The following ACOT12 variants were observed in gnomAD, a reference collection of about 807,000 sequenced individuals.
The protein encoded by ACOT12 is acetyl-coenzyme A thioesterase.
A neutral mutation model predicts 67.7 loss-of-function variants in ACOT12; 51 were observed. That is an observed-to-expected ratio of 0.75 (90% CI 0.60 to 0.95). ACOT12 has a LOEUF of 0.95. Ranked by LOEUF, ACOT12 falls within the 40% of genes least tolerant of loss-of-function variation. The pLI is 0.00. For synonymous variants in ACOT12, 251 were observed against 244.6 expected (o/e 1.03, Z -0.24); for missense variants, 734 against 708.1 (o/e 1.04, Z -0.41).
chr5:81,371,805 C>G lies in ACOT12; in HGVS notation c.203G>C (p.Gly68Ala). 6.2e-7 allele frequency: 1 copy of G among 1,613,900 alleles called. No homozygotes were observed. Among genetic ancestry groups the G allele is most frequent in the Non-Finnish European group, 8.5e-7 (1 of 1,179,936 alleles). ...TTTTGCTTTGATGGTTATAACTTGT[C>G]CAACTCTAGGGAAAAACAAACAAAA... ...DIQFEETARV[G>A]QVITIKAKVT... Residue 68 changes from glycine (G) to alanine (A), a missense_variant, in exon 3 of 15, where the codon GGA becomes GCA. Transcript: ENST00000307624.
In ACOT12 at chr5:81,345,128, C is replaced by G. The variant is rs116325322; in HGVS notation, c.774-87G>C. 4 of 936,938 alleles carry G rather than the reference C, an allele frequency of 4.3e-6. No homozygotes were observed. In the South Asian group the frequency reaches 4.8e-5, roughly 11 times the overall value. The allele number at this position is 936,938 out of a possible 1,614,324, so 58.0% of individuals were successfully genotyped here. Reference sequence around the variant, plus strand: ...ACACCGCTGCCACCTCCTCGCCCACCGCTGCCACCTCCTCTAAGCAACAGG... The same window carrying G: ...ACACCGCTGCCACCTCCTCGCCCACGGCTGCCACCTCCTCTAAGCAACAGG... On this transcript the variant is annotated intron_variant, in intron 7 of 14. Transcript: ENST00000307624.
chr5:81,339,896 A>AT lies in ACOT12; in HGVS notation c.1128+2775dup, dbSNP rs35399330. Among the ~76,000 whole-genome samples, 78 of 151,604 alleles carry AT rather than the reference A, an allele frequency of 5.1e-4. 1 individual carries two copies. The South Asian group carries it at 0.013, about 26-fold the overall frequency. ...ATATTGAAAACCTGGAAAAAACATGATTTTTTTTTATAGAGATGAAGTCAT... is the reference window on the plus strand; with the variant it reads ...ATATTGAAAACCTGGAAAAAACATGATTTTTTTTTTATAGAGATGAAGTCAT... On this transcript the variant is annotated intron_variant, in intron 11 of 14. Transcript: ENST00000307624.
chr5:81,389,753 C>T (rs1760815998), intron 1 of ACOT12, among the ~76,000 whole-genome samples: 1 of 152,054 alleles, frequency 6.6e-6, no homozygotes, highest in South Asian at 2.1e-4. Flanking sequence ...TCTTGAACTT[C>T]TGACCTCAGG....
intron 5 of ACOT12, among the ~76,000 whole-genome samples, chr5:81,356,655 C>T (rs1008442056): frequency 6.6e-6 from 1 of 152,096 alleles, no homozygotes; most frequent in Non-Finnish European, 1.5e-5. Context: ...TCCATGATCT[C>T]AGTTCATGGC....
At chr5:81,360,789 G>A (rs1759881046) in intron 4 of ACOT12, among the ~76,000 whole-genome samples, 1 of 152,112 alleles carries the variant, frequency 6.6e-6, no homozygotes. Context: ...CCCTGGGTGT[G>A]GTGGCTCACA....
chr5:81,373,011 A>G (rs1760300774), intron 2 of ACOT12, among the ~76,000 whole-genome samples: 1 of 152,256 alleles, frequency 6.6e-6, no homozygotes, highest in Admixed American at 6.5e-5. Context: ...GGCCATACTA[A>G]TAACAATGAC....
chr5:81,352,643 A>C (rs1759588175), intron 5 of ACOT12, among the ~76,000 whole-genome samples: 1 of 152,188 alleles, frequency 6.6e-6, no homozygotes, highest in African/African-American at 2.4e-5. Flanking sequence ...TAATGGGTAC[A>C]AAAATATAGT....
chr5:81,344,485 A>C (rs1320730501), intron 8 of ACOT12, among the ~76,000 whole-genome samples: 1 of 152,236 alleles, frequency 6.6e-6, no homozygotes. Flanking sequence ...ATTATACTTA[A>C]TTCTCACTAC....
At chr5:81,353,988 C>A (rs1759633272) in intron 5 of ACOT12, among the ~76,000 whole-genome samples, 1 of 152,174 alleles carries the variant, frequency 6.6e-6, no homozygotes, top group Admixed American at 6.5e-5. Flanking sequence ...AAATCACATA[C>A]TACACAGCGG....
chr5:81,328,999 C>T (rs1758740489), downstream of ACOT12, among the ~76,000 whole-genome samples: 1 of 151,970 alleles, frequency 6.6e-6, no homozygotes, highest in Admixed American at 6.6e-5. Flanking sequence ...AGCACACGTG[C>T]CTAGTGCTAT....
At chr5:81,391,406 A>C (rs574468865) in intron 1 of ACOT12, among the ~76,000 whole-genome samples, 16 of 152,328 alleles carry the variant, frequency 1.1e-4, no homozygotes, top group African/African-American at 3.8e-4. Flanking sequence ...AAAAGCCAAC[A>C]CCACTTTGTT....
In ACOT12 at chr5:81,361,255, C is replaced by T. The variant is rs561901948; in HGVS notation, c.361-1217G>A. ...TGAAACAGGGTCTCACTCTGTTGCC[C>T]AGGCTGGAGCACAGTGGTGTAATCA... On this transcript the variant is annotated intron_variant, in intron 4 of 14. Transcript: ENST00000307624. Among the ~76,000 whole-genome samples, 7 of 151,632 alleles carry T rather than the reference C, an allele frequency of 4.6e-5. No homozygotes were observed. In the South Asian group the frequency reaches 1.0e-3, roughly 23 times the overall value.
intron 2 of ACOT12, among the ~76,000 whole-genome samples, chr5:81,380,597 C>G (rs1321493893): frequency 6.7e-6 from 1 of 150,286 alleles, no homozygotes; most frequent in Non-Finnish European, 1.5e-5. Context: ...AAATCTATCC[C>G]ACAAATATAC....
chr5:81,382,802 C>CA lies in ACOT12; in HGVS notation c.197+2954dup, dbSNP rs34443861. ...GGGTGACAACAGTAAAACTCTGTCT[C>CA]AAAAAAAAAAAAAGAAGAAGAATAA... On this transcript the variant is annotated intron_variant, in intron 2 of 14. Coordinates refer to ENST00000307624, the MANE Select transcript of ACOT12 (RefSeq NM_130767.3). 7.3e-3 allele frequency among the ~76,000 whole-genome samples: 867 copies of CA among 119,584 alleles called. 2 individuals are homozygous for CA. Among genetic ancestry groups the CA allele is most frequent in the African/African-American group, 0.02 (643 of 32,416 alleles). 78.5% of individuals were successfully genotyped at this position (119,584 alleles called of 152,430 possible).
At chr5:81,323,897 C>CGTATATATACACGTATATATACGT in the ACOT12 span, among the ~76,000 whole-genome samples, 118 of 146,272 alleles carry the variant, frequency 8.1e-4, no homozygotes, top group East Asian at 8.0e-3. Context: ...TACATATATA[C>CGTATATATACACGTATATATACGT]GTATATATAC....
rs1580542282 is a variant in ACOT12 at position 81,345,044 on chromosome 5, G to C, written c.774-3C>G. On this transcript the variant is annotated splice_polypyrimidine_tract_variant and splice_region_variant and intron_variant, in intron 7 of 14. Coordinates refer to ENST00000307624, the MANE Select transcript of ACOT12 (RefSeq NM_130767.3). Reference sequence around the variant, plus strand: ...CCACGCGAACTCCAACTTCAACACTGTGAAGGGTGATGCAGGGCGGTGGGC... The same window carrying C: ...CCACGCGAACTCCAACTTCAACACTCTGAAGGGTGATGCAGGGCGGTGGGC... 5.0e-6 allele frequency: 8 copies of C among 1,613,964 alleles called. No homozygotes were observed. The highest frequency in any genetic ancestry group is 5.9e-6 in the Non-Finnish European group (7 of 1,179,952).
chr5:81,345,923 A>C lies in ACOT12; in HGVS notation c.735T>G (p.Leu245=). 1 of 1,614,080 alleles carries C rather than the reference A, an allele frequency of 6.2e-7. No individual in the cohort carries two copies. Among genetic ancestry groups the C allele is most frequent in the Non-Finnish European group, 8.5e-7 (1 of 1,179,958 alleles). ...TATTGTTGACAATGGCAGTGAAGAC[A>C]AGACGATCTCCAACTGTAGATGGTC... The part of the protein sequence containing the change: ...FRGPSTVGDR[L]VFTAIVNNTF... The change falls in exon 7 of 15, where the codon CTT becomes CTG. Residue 245 remains leucine, a synonymous_variant. Transcript: ENST00000307624.
At chr5:81,371,606 T>C in intron 3 of ACOT12, 144 bp downstream of exon 3, 1 of 769,732 alleles carries the variant, frequency 1.3e-6, no homozygotes, top group East Asian at 2.6e-5. Flanking sequence ...ATTATTTACC[T>C]GTGACCTGAC....
intron 1 of ACOT12, among the ~76,000 whole-genome samples, chr5:81,386,212 C>G (rs1244581480): frequency 2.0e-5 from 3 of 152,126 alleles, no homozygotes; most frequent in Non-Finnish European, 4.4e-5. Context: ...GCCACTTGCC[C>G]ACATAACCAG....
Sources: gnomAD v4.1 joint callset for allele counts (sites outside exome capture counted in the v4.1 genomes callset) on GRCh38, gnomAD v4.1.1 for gene constraint, MANE v1.5 for transcripts, NCBI Gene and HGNC (gene_info 2026-07-23, HGNC 2026-07-21) for gene names.